The following RAD51B variants were observed in gnomAD, a reference collection of about 807,000 sequenced individuals.
The protein encoded by RAD51B is RAD51 paralog B.
A neutral mutation model predicts 42.2 loss-of-function variants in RAD51B; 38 were observed. The ratio of observed to expected loss-of-function variants is 0.90; its 90% confidence interval spans 0.70 to 1.18. The LOEUF is 1.18. Ranked by LOEUF, RAD51B falls within the 50% of genes most tolerant of loss-of-function variation. The pLI is 0.00. For synonymous variants in RAD51B, 154 were observed against 145.2 expected, an observed-to-expected ratio of 1.06 and a Z score of -0.43; for missense variants, 373 against 400.7, an observed-to-expected ratio of 0.93 and a Z score of 0.59.
intron 7 of RAD51B, among the ~76,000 whole-genome samples, chr14:68,007,817 G>A (rs988710624): frequency 1.3e-5 from 2 of 151,752 alleles, no homozygotes; most frequent in African/African-American, 4.8e-5. Flanking sequence ...GTTAATGAGA[G>A]TAAAAATGCT....
intron 10 of RAD51B, among the ~76,000 whole-genome samples, chr14:68,645,248 A>T (rs1566962864): frequency 6.6e-6 from 1 of 152,074 alleles, no homozygotes; most frequent in African/African-American, 2.4e-5. Flanking sequence ...ATCATATAGC[A>T]TTTGTCTTTT....
intron 7 of RAD51B, among the ~76,000 whole-genome samples, chr14:67,939,164 TA>T (rs2045066991): frequency 1.3e-5 from 2 of 152,180 alleles, no homozygotes. Flanking sequence ...TACAGGCAGA[TA>T]TTTTTTTCTG....
intron 7 of RAD51B, among the ~76,000 whole-genome samples, chr14:68,283,565 A>G (rs552862951): frequency 1.3e-5 from 2 of 152,302 alleles, no homozygotes; most frequent in East Asian, 1.9e-4. Flanking sequence ...CCAATTGTGC[A>G]TGTTATTTCC....
At chr14:68,627,354 T>C (rs868225727) in intron 10 of RAD51B, 1 of 152,166 alleles carries the variant, frequency 6.6e-6, no homozygotes, top group South Asian at 2.1e-4. Flanking sequence ...TATTCAGCTA[T>C]GAAGGAAAAA....
intron 10 of RAD51B, among the ~76,000 whole-genome samples, chr14:68,572,980 A>G (rs1033330227): frequency 1.3e-5 from 2 of 152,142 alleles, no homozygotes; most frequent in African/African-American, 4.8e-5. Context: ...CAGCCTACCA[A>G]GGGTGCCACA....
intron 9 of RAD51B, among the ~76,000 whole-genome samples, chr14:68,439,153 TACACAC>T (rs10565900): frequency 1.3e-4 from 15 of 119,288 alleles, no homozygotes; most frequent in East Asian, 3.4e-4. Context: ...TGTATTTTTG[TACACAC>T]ACACACACAC....
At chr14:68,296,417 C>T (rs1006532852) in intron 8 of RAD51B, among the ~76,000 whole-genome samples, 3 of 152,094 alleles carry the variant, frequency 2.0e-5, no homozygotes, top group African/African-American at 7.2e-5. Flanking sequence ...GTTGTGTGGC[C>T]AAGGACACAT....
At chr14:68,271,072 C>A (rs942268838) in intron 7 of RAD51B, among the ~76,000 whole-genome samples, 1 of 152,176 alleles carries the variant, frequency 6.6e-6, no homozygotes, top group African/African-American at 2.4e-5. Flanking sequence ...AAATTGCAAC[C>A]TATTCCCACA....
chr14:68,465,940 CAAAAAAA>C (rs59348577), intron 9 of RAD51B, among the ~76,000 whole-genome samples: 27,556 of 129,186 alleles, frequency 0.21, 2,960 homozygotes, highest in Non-Finnish European at 0.24. Context: ...GACTCTGTCT[CAAAAAAA>C]AAAAAAATAA....
chr14:68,173,825 T>C (rs766078123), intron 7 of RAD51B, among the ~76,000 whole-genome samples: 1 of 152,170 alleles, frequency 6.6e-6, no homozygotes, highest in Non-Finnish European at 1.5e-5. Flanking sequence ...TGAGTAAAAG[T>C]CTTAAGATCA....
intron 10 of RAD51B, among the ~76,000 whole-genome samples, chr14:68,546,664 G>A (rs546036687): frequency 6.6e-6 from 1 of 152,156 alleles, no homozygotes; most frequent in Non-Finnish European, 1.5e-5. Context: ...AAAAATAGAA[G>A]CCCCAAAACT....
intron 7 of RAD51B, among the ~76,000 whole-genome samples, chr14:68,026,128 G>A (rs987475954): frequency 1.3e-5 from 2 of 152,102 alleles, no homozygotes; most frequent in Non-Finnish European, 2.9e-5. Context: ...GGAGCAAGTT[G>A]TGTAATTTCC....
chr14:68,149,872 A>G (rs563421565), intron 7 of RAD51B: 5 of 152,300 alleles, frequency 3.3e-5, no homozygotes, highest in African/African-American at 1.2e-4. Context: ...TAGCCTCCCA[A>G]TAGCTGGGAC....
chr14:68,642,572 C>A (rs1289811506), intron 10 of RAD51B, among the ~76,000 whole-genome samples: 1 of 152,078 alleles, frequency 6.6e-6, no homozygotes, highest in Non-Finnish European at 1.5e-5. Context: ...TGGTTTTATT[C>A]ATTTTTCTTT....
chr14:68,012,765 C>G (rs1326412738), intron 7 of RAD51B, among the ~76,000 whole-genome samples: 2 of 152,068 alleles, frequency 1.3e-5, no homozygotes, highest in Non-Finnish European at 2.9e-5. Flanking sequence ...AGGACAATAA[C>G]TGTTTTGTTA....
intron 10 of RAD51B, among the ~76,000 whole-genome samples, chr14:68,580,223 C>G (rs1297871957): frequency 6.6e-6 from 1 of 152,212 alleles, no homozygotes; most frequent in African/African-American, 2.4e-5. Context: ...GGAAGTTTCT[C>G]TCAGTGTAAG....
At chr14:68,155,574 C>G (rs184022117) in intron 7 of RAD51B, among the ~76,000 whole-genome samples, 3 of 151,954 alleles carry the variant, frequency 2.0e-5, no homozygotes, top group African/African-American at 7.3e-5. Flanking sequence ...CACTGGGGAA[C>G]CAAGTGATTT....
At chr14:67,937,818 AT>A (rs2045012497) in intron 7 of RAD51B, among the ~76,000 whole-genome samples, 1 of 152,162 alleles carries the variant, frequency 6.6e-6, no homozygotes, top group Admixed American at 6.5e-5. Context: ...TAGTGAGGGT[AT>A]TTTAAAAGTG....
At chr14:68,139,792 A>G (rs1335831556) in intron 7 of RAD51B, among the ~76,000 whole-genome samples, 1 of 152,268 alleles carries the variant, frequency 6.6e-6, no homozygotes, top group Non-Finnish European at 1.5e-5. Flanking sequence ...TGGCCCTGAT[A>G]GTAGTCACAG....
Sources: allele counts gnomAD v4.1 joint callset (sites outside exome capture counted in the v4.1 genomes callset), GRCh38; gene constraint gnomAD v4.1.1; transcripts MANE v1.5; gene names NCBI Gene and HGNC (gene_info 2026-07-23, HGNC 2026-07-21).